Variants in GPRC5B observed in about 807,000 individuals in gnomAD.
The protein encoded by GPRC5B is G protein-coupled receptor family C group 5 member B.
In GPRC5B, 16 loss-of-function variants were observed where a neutral mutation model predicts 30.1. The ratio of observed to expected loss-of-function variants is 0.53; its 90% CI spans 0.36 to 0.81. The LOEUF is 0.81. Among genes scored for constraint, GPRC5B ranks in the 30% least tolerant of loss-of-function variants. GPRC5B has a pLI of 0.01. For synonymous variants in GPRC5B, 241 were observed against 239.5 expected (o/e 1.01, Z -0.06); for missense variants, 428 against 544.7 (o/e 0.79, Z 2.13).
intron 1 of GPRC5B, among the ~76,000 whole-genome samples, chr16:19,873,965 TAG>T (rs2141147797): frequency 6.6e-6 from 1 of 152,236 alleles, no homozygotes; most frequent in South Asian, 2.1e-4. Flanking sequence ...GTATTTCTAG[TAG>T]AGACTAGGTT....
In GPRC5B at chr16:19,859,045, C is replaced by A. The variant is rs1032499484; in HGVS notation, c.*1455G>T. On this transcript the variant is annotated 3_prime_UTR_variant, in exon 4 of 4. Coordinates refer to ENST00000300571, the MANE Select transcript of GPRC5B (RefSeq NM_016235.3). The stretch of plus-strand genomic sequence containing the variant: ...GGCTTATGAAGCGGTCAGTCCTCCC[C>A]CGGCCCCCAAACACTAACCTTTTTC... 1.2e-4 allele frequency: 18 copies of A among 153,460 alleles called. No individual in the cohort carries two copies. The highest frequency in any genetic ancestry group is 2.5e-4 in the Non-Finnish European group (17 of 68,818). The allele number at this position is 153,460 out of a possible 1,614,324, so 9.5% of individuals were successfully genotyped here. A position where few individuals can be genotyped will look rare whatever the true frequency, so the allele number is the denominator to read the frequency against.
At position 19,868,235 on chromosome 16, in the gene GPRC5B, G is replaced by A. The variant is rs537691190; in HGVS notation, c.1030+3581C>T. 1.1e-3 allele frequency among the ~76,000 whole-genome samples: 171 copies of A among 152,044 alleles called. 1 individual carries two copies. Among genetic ancestry groups the A allele is most frequent in the African/African-American group, 3.6e-3 (149 of 41,466 alleles). On this transcript the variant is annotated intron_variant, in intron 2 of 3. Transcript: ENST00000300571. Reference sequence around the variant, plus strand: ...ACTAAAAATACAAAATTAGCCAGGTGTGGTGGCACACGGCTATAATCCCAG... The same window carrying A: ...ACTAAAAATACAAAATTAGCCAGGTATGGTGGCACACGGCTATAATCCCAG...
intron 1 of GPRC5B, among the ~76,000 whole-genome samples, chr16:19,884,475 C>G (rs994896035): frequency 1.2e-4 from 18 of 151,014 alleles, no homozygotes; most frequent in Non-Finnish European, 2.2e-4. Flanking sequence ...CGGGCACAGT[C>G]TCCCTCCCCC....
At chr16:19,885,587 G>A, upstream of GPRC5B, 3 of 1,056,146 alleles carry the variant, frequency 2.8e-6, no homozygotes, top group South Asian at 2.7e-5. This position sits in a 1 kb window ranked among gnomAD's most constrained non-coding sequence, Gnocchi z 5.3. Flanking sequence ...CACCCCTACC[G>A]CACACATCAC....
At chr16:19,884,579 C>G in intron 1 of GPRC5B, 148 bp downstream of exon 1, 3 of 485,402 alleles carry the variant, frequency 6.2e-6, no homozygotes, top group Non-Finnish European at 7.9e-6. Flanking sequence ...TTCCACATCT[C>G]CCCCAGCAAT....
In GPRC5B at chr16:19,860,337, C is replaced by CAGTGTTCA. The variant is rs1208313165; in HGVS notation, c.*155_*162dup. 66 of 600,598 alleles carry CAGTGTTCA rather than the reference C, an allele frequency of 1.1e-4. No individual in the cohort carries two copies. The highest frequency in any genetic ancestry group is 2.6e-4 in the Admixed American group (9 of 34,934). The allele number at this position is 600,598 out of a possible 1,614,324, so 37.2% of individuals were successfully genotyped here. A position where few individuals can be genotyped will look rare whatever the true frequency, so the allele number is the denominator to read the frequency against. ...AGTCGGTGTTAGCTTTTCAGTTCGT[C>CAGTGTTCA]AGTGTTCACATTTACACGAAATCCC... On this transcript the variant is annotated 3_prime_UTR_variant, in exon 4 of 4. Transcript: ENST00000300571.
chr16:19,865,025 C>T (rs1260848887), intron 2 of GPRC5B, among the ~76,000 whole-genome samples: 1 of 151,462 alleles, frequency 6.6e-6, no homozygotes, highest in African/African-American at 2.4e-5. Context: ...TCACCTCAGC[C>T]TCCCAAGTAG....
chr16:19,866,501 C>T (rs926994004), intron 2 of GPRC5B, among the ~76,000 whole-genome samples: 2 of 152,130 alleles, frequency 1.3e-5, no homozygotes, highest in African/African-American at 4.8e-5. Flanking sequence ...CCTGGGACTA[C>T]AGGCATGCAC....
upstream of GPRC5B, chr16:19,885,109 C>T (rs930067820): frequency 1.1e-6 from 1 of 934,754 alleles, no homozygotes; most frequent in Non-Finnish European, 1.5e-6. This position sits in a 1 kb window ranked among gnomAD's most constrained non-coding sequence, Gnocchi z 5.3. Context: ...ATTCCCCCCA[C>T]AACGTCAGTG....
chr16:19,876,637 G>A (rs1255022988), intron 1 of GPRC5B, among the ~76,000 whole-genome samples: 1 of 152,182 alleles, frequency 6.6e-6, no homozygotes, highest in East Asian at 1.9e-4. Flanking sequence ...AAACCTATGT[G>A]GAGGATGCCA....
rs1353447061 is a variant in GPRC5B, at chr16:19,874,881, C to T, written c.-1-2035G>A. ...TCCCTTTTTTTTTTTTTTTCTCTAA[C>T]GGCCCCTTGCTTTTGAAGGGAGCCT... On this transcript the variant is annotated intron_variant, in intron 1 of 3. Transcript: ENST00000300571. 4.3e-5 allele frequency: 6 copies of T among 139,600 alleles called. 1 individual carries two copies. Among genetic ancestry groups the T allele is most frequent in the East Asian group, 4.4e-4 (2 of 4,542 alleles). 8.6% of individuals were successfully genotyped at this position (139,600 alleles called of 1,614,324 possible). A position where few individuals can be genotyped will look rare whatever the true frequency, so the allele number is the denominator to read the frequency against.
In GPRC5B at chr16:19,857,984, G is replaced by A. The variant is rs2056583622; in HGVS notation, c.*2516C>T. 1 of 152,650 alleles carries A rather than the reference G, an allele frequency of 6.6e-6. No individual in the cohort carries two copies. Among genetic ancestry groups the A allele is most frequent in the African/African-American group, 2.4e-5 (1 of 41,470 alleles). The allele number at this position is 152,650 out of a possible 1,614,324, so 9.5% of individuals were successfully genotyped here. ...AAAGCGATTTTAATAACCAGACACGGAACAATTTGTGCTTACAATGAGAGA... is the reference window on the plus strand; with the variant it reads ...AAAGCGATTTTAATAACCAGACACGAAACAATTTGTGCTTACAATGAGAGA... On this transcript the variant is annotated 3_prime_UTR_variant, in exon 4 of 4. Coordinates refer to ENST00000300571, the MANE Select transcript of GPRC5B (RefSeq NM_016235.3).
At chr16:19,861,613 C>T (rs1009146021) in intron 3 of GPRC5B, among the ~76,000 whole-genome samples, 8 of 152,128 alleles carry the variant, frequency 5.3e-5, no homozygotes, top group South Asian at 2.1e-4. Flanking sequence ...CTCTTTCAAA[C>T]GAATCTACAG....
At chr16:19,875,301 G>A (rs373029454) in intron 1 of GPRC5B, among the ~76,000 whole-genome samples, 2 of 152,248 alleles carry the variant, frequency 1.3e-5, no homozygotes, top group Non-Finnish European at 2.9e-5. Flanking sequence ...ATGCACCCCA[G>A]GCATCGGTCG....
In GPRC5B at chr16:19,867,997, G is replaced by A. The variant is rs574519265; in HGVS notation, c.1030+3819C>T. Reference sequence around the variant, plus strand: ...CAGGAGAATCGCTTGAACCCGGGAGGTGGAGGTTGCAGTGAGCTGAGACCA... The same window carrying A: ...CAGGAGAATCGCTTGAACCCGGGAGATGGAGGTTGCAGTGAGCTGAGACCA... On this transcript the variant is annotated intron_variant, in intron 2 of 3. Coordinates refer to ENST00000300571, the MANE Select transcript of GPRC5B (RefSeq NM_016235.3). 2.6e-5 allele frequency among the ~76,000 whole-genome samples: 4 copies of A among 152,274 alleles called. No homozygotes were observed. The South Asian group carries it at 6.2e-4, about 24-fold the overall frequency.
chr16:19,885,027 A>G, upstream of GPRC5B: 3 of 582,524 alleles, frequency 5.1e-6, no homozygotes, highest in South Asian at 6.7e-5. The surrounding 1 kb of genome is among the most constrained non-coding windows in gnomAD (Gnocchi z 5.3). Flanking sequence ...GCACCCCCGG[A>G]GCCCAAGCTC....
upstream of GPRC5B, chr16:19,885,060 G>C: frequency 1.4e-6 from 1 of 709,324 alleles, no homozygotes; most frequent in South Asian, 1.6e-5. This position sits in a 1 kb window ranked among gnomAD's most constrained non-coding sequence, Gnocchi z 5.3. Flanking sequence ...CCGGATCTCA[G>C]AGACGATTCC....
chr16:19,860,335 G>A lies in GPRC5B; in HGVS notation c.*165C>T, dbSNP rs1347377196. 2.0e-5 allele frequency: 12 copies of A among 598,070 alleles called. No homozygotes were observed. The highest frequency in any genetic ancestry group is 5.7e-5 in the Admixed American group (2 of 34,934). 37.0% of individuals were successfully genotyped at this position (598,070 alleles called of 1,614,324 possible). A position where few individuals can be genotyped will look rare whatever the true frequency, so the allele number is the denominator to read the frequency against. Reference sequence around the variant, plus strand: ...GCAGTCGGTGTTAGCTTTTCAGTTCGTCAGTGTTCACATTTACACGAAATC... The same window carrying A: ...GCAGTCGGTGTTAGCTTTTCAGTTCATCAGTGTTCACATTTACACGAAATC... On this transcript the variant is annotated 3_prime_UTR_variant, in exon 4 of 4. Transcript: ENST00000300571.
chr16:19,860,479 T>C lies in GPRC5B; in HGVS notation c.*21A>G, dbSNP rs768964139. 7.2e-6 allele frequency: 11 copies of C among 1,522,160 alleles called. No individual in the cohort carries two copies. The highest frequency in any genetic ancestry group is 1.0e-5 in the Non-Finnish European group (11 of 1,096,894). The allele number at this position is 1,522,160 out of a possible 1,614,324, so 94.3% of individuals were successfully genotyped here. ...GGCAAATCGGTAAGAGAAATTCTGA[T>C]TCTCTGGAACTTAAAGTCTTTCACC... On this transcript the variant is annotated 3_prime_UTR_variant, in exon 4 of 4. Transcript: ENST00000300571.
Sources: gnomAD v4.1 joint callset for allele counts (sites outside exome capture counted in the v4.1 genomes callset) on GRCh38, gnomAD v4.1.1 for gene constraint, Gnocchi (gnomAD v3.1) non-coding constraint, MANE v1.5 for transcripts, NCBI Gene and HGNC (gene_info 2026-07-23, HGNC 2026-07-21) for gene names.